The following THSD7A variants were observed in gnomAD, a reference collection of about 807,000 sequenced individuals.
THSD7A encodes the protein thrombospondin type-1 domain-containing protein 7A.
THSD7A carries 96 observed loss-of-function variants against 231.3 expected under a neutral mutation model. The ratio of observed to expected loss-of-function variants is 0.41; its 90% CI spans 0.35 to 0.49. The LOEUF (loss-of-function observed/expected upper bound fraction) is 0.49, where lower values mean the gene tolerates loss of function less well. Ranked by LOEUF, THSD7A falls within the 20% of genes least tolerant of loss-of-function variation. The probability of loss-of-function intolerance (pLI) is 0.05; values close to 1 mark genes in which losing one functional copy is unlikely to be tolerated. For synonymous variants in THSD7A, 940 were observed against 743.3 expected (o/e 1.26, Z -4.30); for missense variants, 2,290 against 2,070.2 (o/e 1.11, Z -2.06).
At chr7:11,746,256 C>G (rs997264118) in intron 1 of THSD7A, among the ~76,000 whole-genome samples, 4 of 151,834 alleles carry the variant, frequency 2.6e-5, no homozygotes, top group Non-Finnish European at 5.9e-5. Flanking sequence ...TCCCATATAG[C>G]CCTCACACCG....
In THSD7A at chr7:11,541,550, T is replaced by G; in HGVS notation, c.1691A>C (p.Glu564Ala). 6.2e-7 allele frequency: 1 copy of G among 1,613,916 alleles called. No homozygotes were observed. The highest frequency in any genetic ancestry group is 8.5e-7 in the Non-Finnish European group (1 of 1,179,874). ...GVTGNCPHLL[E>A]AIPCEEPACY... Reference sequence around the variant, plus strand: ...GGCAGGCTCTTCACAGGGAATGGCTTCCAGTAAGTGAGGGCAGTTTCCGGT... The same window carrying G: ...GGCAGGCTCTTCACAGGGAATGGCTGCCAGTAAGTGAGGGCAGTTTCCGGT... The change falls in exon 6 of 28, where the codon GAA becomes GCA. Residue 564 changes from glutamate (E) to alanine (A), a missense_variant. Physicochemically the swap from Glu to Ala is moderately radical, Grantham distance 107. Transcript: ENST00000423059.
chr7:11,640,480 T>C (rs1782039499), intron 1 of THSD7A, among the ~76,000 whole-genome samples: 1 of 152,200 alleles, frequency 6.6e-6, no homozygotes, highest in Non-Finnish European at 1.5e-5. Flanking sequence ...AATACAAATC[T>C]ATATTTAATT....
intron 1 of THSD7A, among the ~76,000 whole-genome samples, chr7:11,670,307 C>G (rs1783330571): frequency 6.6e-6 from 1 of 152,130 alleles, no homozygotes; most frequent in Non-Finnish European, 1.5e-5. Flanking sequence ...AATGGAGATC[C>G]ATTACCACAG....
At chr7:11,610,588 C>T (rs1463376649) in intron 2 of THSD7A, among the ~76,000 whole-genome samples, 1 of 152,060 alleles carries the variant, frequency 6.6e-6, no homozygotes, top group Non-Finnish European at 1.5e-5. Flanking sequence ...ACACAATTTG[C>T]CCAGTTCTTT....
At chr7:11,678,697 A>G (rs114041633) in intron 1 of THSD7A, among the ~76,000 whole-genome samples, 1,607 of 152,280 alleles carry the variant, frequency 0.011, 31 homozygotes, top group African/African-American at 0.037. Context: ...AAATGGGTGT[A>G]GTAATTAATA....
intron 11 of THSD7A, among the ~76,000 whole-genome samples, chr7:11,454,959 A>AGTTG (rs1414399285): frequency 6.6e-6 from 1 of 151,962 alleles, no homozygotes; most frequent in Non-Finnish European, 1.5e-5. Flanking sequence ...CTATATACTG[A>AGTTG]GTTGTATCTC....
rs370499295 is a variant in THSD7A, at chr7:11,474,989, A to G, written c.2018-421T>C. ...GGATTTCAATAAGCAGAATTCTGGGAAGGGACAGAAGGAAAAGAGAATAGT... is the reference window on the plus strand; with the variant it reads ...GGATTTCAATAAGCAGAATTCTGGGGAGGGACAGAAGGAAAAGAGAATAGT... On this transcript the variant is annotated intron_variant, in intron 7 of 27. Transcript: ENST00000423059. This position sits in a 1 kb window ranked among gnomAD's most constrained non-coding sequence, Gnocchi z 4.1. Among the ~76,000 whole-genome samples the G allele has an allele frequency of 8.5e-5, 13 of 152,258 alleles. No homozygotes were observed. The highest frequency in any genetic ancestry group is 2.4e-4 in the African/African-American group (10 of 41,556).
chr7:11,516,438 A>G (rs1478239683), intron 6 of THSD7A, among the ~76,000 whole-genome samples: 1 of 152,178 alleles, frequency 6.6e-6, no homozygotes, highest in Non-Finnish European at 1.5e-5. Context: ...TGCCAGAAGA[A>G]AAATTACTGA....
At chr7:11,612,128 G>C (rs914933025) in intron 2 of THSD7A, among the ~76,000 whole-genome samples, 2 of 152,078 alleles carry the variant, frequency 1.3e-5, no homozygotes, top group African/African-American at 2.4e-5. Flanking sequence ...TCCCTCCAAA[G>C]GTTCTACTGA....
At position 11,406,831 on chromosome 7, in the gene THSD7A, ATTATTT is replaced by A. The variant is rs1285251788; in HGVS notation, c.4062+73_4062+78del. 1.3e-6 allele frequency: 2 copies of A among 1,499,934 alleles called. No individual in the cohort carries two copies. The highest frequency in any genetic ancestry group is 2.3e-5 in the East Asian group (1 of 43,172). The allele number at this position is 1,499,934 out of a possible 1,614,324, so 92.9% of individuals were successfully genotyped here. A position where few individuals can be genotyped will look rare whatever the true frequency, so the allele number is the denominator to read the frequency against. ...GAGCTCTGAAACATATTTCTAACAC[ATTATTT>A]TTATGTTTTTCTGCAGATGAAGTCT... is the stretch of plus-strand genomic sequence containing the variant. On this transcript the variant is annotated intron_variant, in intron 21 of 27. Coordinates refer to ENST00000423059, the MANE Select transcript of THSD7A (RefSeq NM_015204.3). The surrounding 1 kb of genome is among the most constrained non-coding windows in gnomAD (Gnocchi z 4.7).
At chr7:11,401,366 CCTTA>C (rs2115356375) in intron 23 of THSD7A, among the ~76,000 whole-genome samples, 1 of 152,196 alleles carries the variant, frequency 6.6e-6, no homozygotes, top group South Asian at 2.1e-4. Context: ...AGAATCTTCC[CCTTA>C]CTTTAGTCCT....
chr7:11,773,548 A>C (rs1764160928), intron 1 of THSD7A, among the ~76,000 whole-genome samples: 1 of 152,206 alleles, frequency 6.6e-6, no homozygotes, highest in African/African-American at 2.4e-5. Context: ...AGAAAAAAAG[A>C]ATAATACAAT....
At chr7:11,654,868 G>A (rs945568919) in intron 1 of THSD7A, among the ~76,000 whole-genome samples, 3 of 151,826 alleles carry the variant, frequency 2.0e-5, no homozygotes, top group Admixed American at 1.3e-4. Flanking sequence ...CTGAGTAGTT[G>A]GTTCCAAGAA....
chr7:11,587,767 G>A (rs980634317), intron 4 of THSD7A, among the ~76,000 whole-genome samples: 1 of 152,130 alleles, frequency 6.6e-6, no homozygotes, highest in African/African-American at 2.4e-5. Flanking sequence ...CTGCCTTTAT[G>A]CTAAGGTAGT....
intron 1 of THSD7A, among the ~76,000 whole-genome samples, chr7:11,715,253 G>C (rs1344241716): frequency 1.3e-5 from 2 of 151,406 alleles, no homozygotes; most frequent in African/African-American, 2.4e-5. Context: ...AGTTTCATTT[G>C]CGAGGGAATG....
At chr7:11,597,277 T>C (rs1191780106) in intron 2 of THSD7A, among the ~76,000 whole-genome samples, 1 of 152,202 alleles carries the variant, frequency 6.6e-6, no homozygotes. Flanking sequence ...ATTTGGCTCC[T>C]CCTACAACCA....
intron 4 of THSD7A, among the ~76,000 whole-genome samples, chr7:11,556,242 C>T (rs986674303): frequency 6.6e-6 from 1 of 150,944 alleles, no homozygotes; most frequent in African/African-American, 2.4e-5. Flanking sequence ...TTAGTGTTTG[C>T]TGTAGATATT....
In THSD7A at chr7:11,432,543, T is replaced by C. The variant is rs145615176; in HGVS notation, c.3065-3418A>G. Among the ~76,000 whole-genome samples the C allele has an allele frequency of 1.8e-3, 276 of 152,204 alleles. 4 individuals carry two copies. The highest frequency in any genetic ancestry group is 0.017 in the Admixed American group (259 of 15,266). On this transcript the variant is annotated intron_variant, in intron 13 of 27. Transcript: ENST00000423059. ...GTAGAATAGTTTTACTTTTTAAAAA[T>C]TTCATGTAAATCGAATCATATAGTT...
At chr7:11,794,528 A>C (rs1241685937) in intron 1 of THSD7A, among the ~76,000 whole-genome samples, 8 of 151,958 alleles carry the variant, frequency 5.3e-5, no homozygotes, top group African/African-American at 1.9e-4. Context: ...GTATCAGGCA[A>C]CATGATATAA....
Sources: allele counts gnomAD v4.1 joint callset (sites outside exome capture counted in the v4.1 genomes callset), GRCh38; gene constraint gnomAD v4.1.1; non-coding constraint Gnocchi (gnomAD v3.1); transcripts MANE v1.5; gene names NCBI Gene and HGNC (gene_info 2026-07-23, HGNC 2026-07-21).